Variants in ABAT observed in about 807,000 individuals in gnomAD.
ABAT encodes 4-aminobutyrate aminotransferase, mitochondrial.
ABAT carries 45 observed loss-of-function variants against 64.6 expected under a neutral mutation model. The ratio of observed to expected loss-of-function variants is 0.70; its 90% CI spans 0.55 to 0.89. ABAT has a LOEUF of 0.89. Among genes scored for constraint, ABAT ranks in the 40% least tolerant of loss-of-function variants. The probability of loss-of-function intolerance (pLI) is 0.00; values close to 1 mark genes in which losing one functional copy is unlikely to be tolerated. For missense variants in ABAT, 633 were observed against 658.4 expected, an observed-to-expected ratio of 0.96 and a Z score of 0.42; for synonymous variants, 297 against 250.5, an observed-to-expected ratio of 1.19 and a Z score of -1.75.
intron 1 of ABAT, among the ~76,000 whole-genome samples, chr16:8,729,728 A>G (rs1429233163): frequency 1.3e-5 from 2 of 151,142 alleles, no homozygotes; most frequent in Non-Finnish European, 2.9e-5. Flanking sequence ...TGGCAGGGCT[A>G]AGGTGGGAGG....
chr16:8,706,877 G>A (rs1377972814), intron 1 of ABAT, among the ~76,000 whole-genome samples: 2 of 152,228 alleles, frequency 1.3e-5, no homozygotes, highest in Non-Finnish European at 2.9e-5. Flanking sequence ...CGACCTGAGT[G>A]ATTCCTAGGT....
chr16:8,725,676 T>C (rs886624474), intron 1 of ABAT, among the ~76,000 whole-genome samples: 1 of 152,224 alleles, frequency 6.6e-6, no homozygotes, highest in Non-Finnish European at 1.5e-5. Flanking sequence ...TGCTGCTATG[T>C]GTATTTGTTT....
At chr16:8,714,620 G>C (rs74008010) in intron 1 of ABAT, 4,509 of 152,592 alleles carry the variant, frequency 0.03, 98 homozygotes, top group South Asian at 0.09. Context: ...AAAGGTTGGC[G>C]CTGAAGATCC....
chr16:8,734,331 C>T (rs1386328175), intron 1 of ABAT, among the ~76,000 whole-genome samples: 1 of 152,198 alleles, frequency 6.6e-6, no homozygotes, highest in Non-Finnish European at 1.5e-5. Flanking sequence ...CTGCCTCATT[C>T]ATCCCTGTAT....
intron 1 of ABAT, chr16:8,722,900 A>G: frequency 3.1e-6 from 4 of 1,278,884 alleles, no homozygotes; most frequent in Non-Finnish European, 4.1e-6. Flanking sequence ...TGGAACTCTT[A>G]GCACGCTTGT....
chr16:8,678,659 C>G (rs1457971723), intron 1 of ABAT, among the ~76,000 whole-genome samples: 1 of 152,186 alleles, frequency 6.6e-6, no homozygotes, highest in Non-Finnish European at 1.5e-5. Context: ...AAATCTCACA[C>G]AGAAATGCTC....
At position 8,782,582 on chromosome 16, in the gene ABAT, C is replaced by T. The variant is rs1455376224; in HGVS notation, c.*1152C>T. On this transcript the variant is annotated 3_prime_UTR_variant, in exon 16 of 16. Coordinates refer to ENST00000268251, the MANE Select transcript of ABAT (RefSeq NM_020686.6). ...CAACGTGGTTTCCTTGTACTTGATCCTCCTGAAATGAGAGATTTTCCTGAG... is the reference window on the plus strand; with the variant it reads ...CAACGTGGTTTCCTTGTACTTGATCTTCCTGAAATGAGAGATTTTCCTGAG... 6.6e-6 allele frequency: 1 copy of T among 152,280 alleles called. No individual in the cohort carries two copies. Among genetic ancestry groups the T allele is most frequent in the Non-Finnish European group, 1.5e-5 (1 of 68,082 alleles). The allele number at this position is 152,280 out of a possible 1,614,324, so 9.4% of individuals were successfully genotyped here.
rs2059384530 is a variant in ABAT at position 8,748,120 on chromosome 16, C to G, written c.181C>G (p.Gln61Glu). ...TTCTTGCCTGCAGGAGTTAATGAAA[C>G]AGCTGAATATAATTCAGGTAAGTGA... ...PGPRSQELMK[Q>E]LNIIQNAEAV... is the part of the protein sequence containing the mutation. The change falls in exon 4 of 16, where the codon CAG becomes GAG. Residue 61 changes from glutamine to glutamate, a missense_variant. By Grantham distance (29) the Gln-to-Glu change is conservative. Coordinates refer to ENST00000268251, the MANE Select transcript of ABAT (RefSeq NM_020686.6). 2 of 1,613,466 alleles carry G rather than the reference C, an allele frequency of 1.2e-6. No homozygotes were observed. Among genetic ancestry groups the G allele is most frequent in the South Asian group, 2.2e-5 (2 of 91,074 alleles).
chr16:8,728,430 T>C lies in ABAT; in HGVS notation c.-41-7269T>C, dbSNP rs150613228. Among the ~76,000 whole-genome samples the C allele has an allele frequency of 1.0e-3, 153 of 152,318 alleles. 1 individual carries two copies. The highest frequency in any genetic ancestry group is 1.6e-3 in the Non-Finnish European group (110 of 68,022). On this transcript the variant is annotated intron_variant, in intron 1 of 15. Coordinates refer to ENST00000268251, the MANE Select transcript of ABAT (RefSeq NM_020686.6). ...AACGTGTTTAATGGAAATTGAATTG[T>C]GTGACGCCTCAGTGCTCCCTGTTTC...
At chr16:8,768,735 T>A (rs1273407) in intron 10 of ABAT, 90 bp from the exon 11 acceptor site, 2 of 1,576,216 alleles carry the variant, frequency 1.3e-6, no homozygotes, top group Non-Finnish European at 1.7e-6. Flanking sequence ...CTGACAGCCT[T>A]GCGCTGAAAT....
chr16:8,731,573 C>G (rs2058719595), intron 1 of ABAT: 2 of 151,962 alleles, frequency 1.3e-5, no homozygotes, highest in Admixed American at 6.6e-5. Flanking sequence ...TGGTAGTTGT[C>G]TAGTTGTCCT....
In ABAT at chr16:8,779,539, A is replaced by T. The variant is rs758648377; in HGVS notation, c.1330A>T (p.Thr444Ser). 3.1e-6 allele frequency: 5 copies of T among 1,613,842 alleles called. No individual in the cohort carries two copies. The African/African-American group carries it at 4.0e-5, about 13-fold the overall frequency. Residue 444 changes from threonine (T) to serine (S), a missense_variant, in exon 15 of 16, where the codon ACT (threonine) becomes TCT (serine). Physicochemically the swap from Thr to Ser is moderately conservative, Grantham distance 58. Coordinates refer to ENST00000268251, the MANE Select transcript of ABAT (RefSeq NM_020686.6). ...ACGAGGCACCTTTTGCTCCTTCGAT[A>T]CTCCCGATGATTCCATACGGAATAA... ...RGRGTFCSFD[T>S]PDDSIRNKLI...
At chr16:8,726,672 C>T (rs191120074) in intron 1 of ABAT, among the ~76,000 whole-genome samples, 8 of 152,304 alleles carry the variant, frequency 5.3e-5, no homozygotes, top group East Asian at 1.9e-4. Flanking sequence ...GATATCTCTT[C>T]GATATACTGA....
intron 1 of ABAT, among the ~76,000 whole-genome samples, chr16:8,705,114 TATAAAG>T (rs2057910908): frequency 6.6e-6 from 1 of 152,148 alleles, no homozygotes; most frequent in Non-Finnish European, 1.5e-5. Flanking sequence ...TTCACACTAC[TATAAAG>T]ATACTACCTG....
chr16:8,689,702 A>G (rs2057537120), intron 1 of ABAT, among the ~76,000 whole-genome samples: 1 of 152,210 alleles, frequency 6.6e-6, no homozygotes, highest in African/African-American at 2.4e-5. Context: ...CTTCTCTGAG[A>G]AAGTGAGTCA....
At chr16:8,772,252 CTGTGTGTGTGTGTGTGTGTGTGTGTGTG>C (rs55677241) in intron 11 of ABAT, among the ~76,000 whole-genome samples, 53 of 147,962 alleles carry the variant, frequency 3.6e-4, no homozygotes, top group South Asian at 1.5e-3. Flanking sequence ...CTCTCTGTCT[CTGTGTGTGTGTGTGTGTGTGTGTGTGTG>C]TGTGTGTGTG....
At chr16:8,747,177 G>A (rs2059357824) in intron 3 of ABAT, among the ~76,000 whole-genome samples, 1 of 152,156 alleles carries the variant, frequency 6.6e-6, no homozygotes, top group Non-Finnish European at 1.5e-5. Context: ...CAGAGTCAAG[G>A]GCTGGGGTAC....
chr16:8,771,472 T>C (rs2060107023), intron 11 of ABAT, among the ~76,000 whole-genome samples: 1 of 148,950 alleles, frequency 6.7e-6, no homozygotes, highest in African/African-American at 2.5e-5. Context: ...TTCTTTCTTT[T>C]TTTTTTTTTT....
intron 5 of ABAT, among the ~76,000 whole-genome samples, chr16:8,753,813 C>T (rs2059561906): frequency 6.6e-6 from 1 of 152,118 alleles, no homozygotes; most frequent in Admixed American, 6.5e-5. Context: ...GCTGTCTCAT[C>T]CGTCTTCTCG....
Sources: allele counts gnomAD v4.1 joint callset (sites outside exome capture counted in the v4.1 genomes callset), GRCh38; gene constraint gnomAD v4.1.1; transcripts MANE v1.5; gene names NCBI Gene and HGNC (gene_info 2026-07-23, HGNC 2026-07-21).